The following ATP11A variants were observed in gnomAD, a reference collection of about 807,000 sequenced individuals.
The protein encoded by ATP11A is ATPase phospholipid transporting 11A.
ATP11A carries 81 observed loss-of-function variants against 154.4 expected under a neutral mutation model. The ratio of observed to expected loss-of-function variants is 0.52; its 90% CI spans 0.44 to 0.63. ATP11A has a LOEUF of 0.63. ATP11A is among the 30% of genes least tolerant of loss of function. The probability of loss-of-function intolerance (pLI) is 0.00; values close to 1 mark genes in which losing one functional copy is unlikely to be tolerated. For synonymous variants in ATP11A, 623 were observed against 585.9 expected (o/e 1.06, Z -0.91); for missense variants, 1,316 against 1,474.3 (o/e 0.89, Z 1.76).
rs35020608 is a variant in ATP11A, at chr13:112,707,415, CAAAA to C, written c.39+16976_39+16979del. 5.6e-4 allele frequency among the ~76,000 whole-genome samples: 45 copies of C among 80,682 alleles called. No individual in the cohort carries two copies. In the South Asian group the frequency reaches 0.01, roughly 19 times the overall value. 52.9% of individuals were successfully genotyped at this position (80,682 alleles called of 152,430 possible). ...GGGCAATAAGAGTGAAATTCTGTCT[CAAAA>C]AAAAAAAAAAAAAAAGAAGAAGAAG... is the stretch of plus-strand genomic sequence containing the variant. On this transcript the variant is annotated intron_variant, in intron 1 of 29. Coordinates refer to ENST00000375645, the MANE Select transcript of ATP11A (RefSeq NM_015205.3).
rs1566545957 is a variant in ATP11A, at chr13:112,832,849, C to CT, written c.1396-5dup. 6.2e-7 allele frequency: 1 copy of CT among 1,610,366 alleles called. No individual in the cohort carries two copies. Among genetic ancestry groups the CT allele is most frequent in the African/African-American group, 1.3e-5 (1 of 74,830 alleles). On this transcript the variant is annotated splice_polypyrimidine_tract_variant and intron_variant, in intron 13 of 29. Coordinates refer to ENST00000375645, the MANE Select transcript of ATP11A (RefSeq NM_015205.3). ...CGTGATTTGGGGGTTCTGGGAACTG[C>CT]TTTTTTATAGGAGCGCGAGGAGCTG...
At chr13:112,837,705 G>T (rs984504001) in intron 16 of ATP11A, among the ~76,000 whole-genome samples, 7 of 152,196 alleles carry the variant, frequency 4.6e-5, no homozygotes, top group African/African-American at 1.7e-4. Flanking sequence ...AGAGCTTCAT[G>T]CCAGCATTTT....
rs531749066 is a variant in ATP11A at position 112,697,727 on chromosome 13, GTTTTT to G, written c.39+7294_39+7298del. Among the ~76,000 whole-genome samples the G allele has an allele frequency of 5.4e-4, 69 of 126,610 alleles. 1 individual carries two copies. In the East Asian group the frequency reaches 0.014, roughly 25 times the overall value. The allele number at this position is 126,610 out of a possible 152,430, so 83.1% of individuals were successfully genotyped here. A position where few individuals can be genotyped will look rare whatever the true frequency, so the allele number is the denominator to read the frequency against. On this transcript the variant is annotated intron_variant, in intron 1 of 29. Coordinates refer to ENST00000375645, the MANE Select transcript of ATP11A (RefSeq NM_015205.3). The surrounding 1 kb of genome is among the most constrained non-coding windows in gnomAD (Gnocchi z 4.0). ...GGATTTGTGCCACGACGCCCGGCCA[GTTTTT>G]TTTTTTTTTTTTTTTTTTTTTAGTA...
intron 27 of ATP11A, among the ~76,000 whole-genome samples, chr13:112,874,121 C>G (rs1411910176): frequency 6.6e-6 from 1 of 152,270 alleles, no homozygotes; most frequent in African/African-American, 2.4e-5. Flanking sequence ...TCCATCCTCA[C>G]GCCCCGCAGC....
At position 112,882,251 on chromosome 13, in the gene ATP11A, C is replaced by G. The variant is rs1333776692; in HGVS notation, c.*385C>G. ...CAACGCAGGAGGGACATTCTGCTGG[C>G]CCACCCTGCGCGCTGTCATGCAGAG... On this transcript the variant is annotated 3_prime_UTR_variant, in exon 30 of 30. Coordinates refer to ENST00000375645, the MANE Select transcript of ATP11A (RefSeq NM_015205.3). This position sits in a 1 kb window ranked among gnomAD's most constrained non-coding sequence, Gnocchi z 5.1. 3.0e-6 allele frequency: 2 copies of G among 657,156 alleles called. No homozygotes were observed. Among genetic ancestry groups the G allele is most frequent in the African/African-American group, 3.8e-5 (2 of 52,822 alleles). 40.7% of individuals were successfully genotyped at this position (657,156 alleles called of 1,614,324 possible).
chr13:112,706,813 G>T (rs1239898641), intron 1 of ATP11A, among the ~76,000 whole-genome samples: 1 of 152,070 alleles, frequency 6.6e-6, no homozygotes, highest in Non-Finnish European at 1.5e-5. Flanking sequence ...ATGTATTTGC[G>T]GTTTTTGCAT....
chr13:112,882,452 G>A lies in ATP11A; in HGVS notation c.*586G>A, dbSNP rs2080908388. 2 of 454,708 alleles carry A rather than the reference G, an allele frequency of 4.4e-6. No homozygotes were observed. The highest frequency in any genetic ancestry group is 3.9e-5 in the Admixed American group (1 of 25,968). The allele number at this position is 454,708 out of a possible 1,614,324, so 28.2% of individuals were successfully genotyped here. A position where few individuals can be genotyped will look rare whatever the true frequency, so the allele number is the denominator to read the frequency against. ...CCATAGGGTGAGGTGGAGCCATGGT[G>A]GTGCGTCCTTTACTCAACAACCCTC... On this transcript the variant is annotated 3_prime_UTR_variant, in exon 30 of 30. Coordinates refer to ENST00000375645, the MANE Select transcript of ATP11A (RefSeq NM_015205.3). The surrounding 1 kb of genome is among the most constrained non-coding windows in gnomAD (Gnocchi z 5.1).
intron 14 of ATP11A, among the ~76,000 whole-genome samples, chr13:112,833,230 G>A (rs541407012): frequency 3.9e-5 from 6 of 152,180 alleles, no homozygotes; most frequent in East Asian, 3.9e-4. Context: ...GGTCCCCGGC[G>A]CGTGAGTCTT....
chr13:112,776,355 C>T (rs1487672565), intron 1 of ATP11A, among the ~76,000 whole-genome samples: 3 of 152,178 alleles, frequency 2.0e-5, no homozygotes, highest in Non-Finnish European at 4.4e-5. Flanking sequence ...TCCGTCCTCT[C>T]CCTTGCCCTG....
rs1015933920 is a variant in ATP11A, at chr13:112,882,161, C to T, written c.*295C>T. On this transcript the variant is annotated 3_prime_UTR_variant, in exon 30 of 30. Transcript: ENST00000375645. The surrounding 1 kb of genome is among the most constrained non-coding windows in gnomAD (Gnocchi z 5.1). ...ACAGGCCTTGCCCTCGAGCATGGCA[C>T]CCTGGCCGCCTGGACCCAGCACTGT... 4 of 1,291,360 alleles carry T rather than the reference C, an allele frequency of 3.1e-6. No individual in the cohort carries two copies. Among genetic ancestry groups the T allele is most frequent in the Middle Eastern group, 2.3e-4 (1 of 4,262 alleles). 80.0% of individuals were successfully genotyped at this position (1,291,360 alleles called of 1,614,324 possible).
chr13:112,701,103 G>A (rs1279334787), intron 1 of ATP11A, among the ~76,000 whole-genome samples: 2 of 152,182 alleles, frequency 1.3e-5, no homozygotes, highest in African/African-American at 4.8e-5. Context: ...GAATGGGAGT[G>A]GCACCCGAAT....
At chr13:112,737,588 G>C (rs994163972) in intron 1 of ATP11A, among the ~76,000 whole-genome samples, 9 of 152,220 alleles carry the variant, frequency 5.9e-5, no homozygotes, top group Admixed American at 4.6e-4. Flanking sequence ...ACAGGACTCA[G>C]CTTGGCTGTG....
At chr13:112,878,080 C>T (rs1445603376) in intron 28 of ATP11A, 137 bp from the exon 29 acceptor site, 13 of 791,838 alleles carry the variant, frequency 1.6e-5, no homozygotes, top group South Asian at 4.8e-5. Flanking sequence ...CACGTGGTGG[C>T]GAGCCTCTGA....
chr13:112,708,575 C>T (rs1248646761), intron 1 of ATP11A, among the ~76,000 whole-genome samples: 3 of 152,180 alleles, frequency 2.0e-5, no homozygotes, highest in African/African-American at 7.2e-5. Context: ...TTCCTTAGCA[C>T]CCTCACTCAC....
intron 19 of ATP11A, among the ~76,000 whole-genome samples, chr13:112,855,347 G>A (rs376808367): frequency 2.6e-5 from 4 of 152,232 alleles, no homozygotes; most frequent in South Asian, 2.1e-4. Context: ...GATTAAAAGC[G>A]CTCACCTTTT....
intron 1 of ATP11A, among the ~76,000 whole-genome samples, chr13:112,739,514 C>T (rs940652363): frequency 6.6e-6 from 1 of 152,220 alleles, no homozygotes; most frequent in African/African-American, 2.4e-5. Flanking sequence ...TTGTGCATTG[C>T]TGGTTTGGAA....
chr13:112,693,099 A>T (rs956598977), intron 1 of ATP11A, among the ~76,000 whole-genome samples: 1 of 152,260 alleles, frequency 6.6e-6, no homozygotes, highest in Non-Finnish European at 1.5e-5. Flanking sequence ...TTTATTGTGG[A>T]TTAACCCTGG....
At chr13:112,819,446 A>G (rs762081323) in intron 7 of ATP11A, 39 bp downstream of exon 7, 1 of 1,584,964 alleles carries the variant, frequency 6.3e-7, no homozygotes, top group Non-Finnish European at 8.7e-7. Context: ...ACGGTTTTTT[A>G]TGCCCTCAAC....
chr13:112,855,220 T>C (rs2079887414), intron 19 of ATP11A, among the ~76,000 whole-genome samples: 1 of 152,220 alleles, frequency 6.6e-6, no homozygotes, highest in South Asian at 2.1e-4. Context: ...TTGTTTTTTG[T>C]TTTTGAGATG....
Sources: allele counts gnomAD v4.1 joint callset (sites outside exome capture counted in the v4.1 genomes callset), GRCh38; gene constraint gnomAD v4.1.1; non-coding constraint Gnocchi (gnomAD v3.1); transcripts MANE v1.5; gene names NCBI Gene and HGNC (gene_info 2026-07-23, HGNC 2026-07-21).